Variants in C5 observed in about 807,000 individuals in gnomAD.
C5 encodes the protein C3 and PZP-like alpha-2-macroglobulin domain-containing protein 4.
A neutral mutation model predicts 218.8 loss-of-function variants in C5; 140 were observed. The observed-to-expected ratio is 0.64, with a 90% CI of 0.56 to 0.74. The LOEUF (loss-of-function observed/expected upper bound fraction) is 0.74. Among genes scored for constraint, C5 ranks in the 30% least tolerant of loss-of-function variants. The pLI is 0.00. For missense variants in C5, 1,700 were observed against 1,969.6 expected (o/e 0.86, Z 2.59); for synonymous variants, 614 against 682.3 (o/e 0.90, Z 1.56).
the C5 span, among the ~76,000 whole-genome samples, chr9:121,060,347 A>G: frequency 6.6e-6 from 1 of 152,336 alleles, no homozygotes; most frequent in South Asian, 2.1e-4. Context: ...TCTTACATTA[A>G]TAACTCTTCT....
Position 120,991,236 on chromosome 9 carries a change from C to T in C5, c.2896G>A (p.Asp966Asn), listed in dbSNP as rs2230212. The T allele has an allele frequency of 6.2e-7, 1 of 1,611,660 alleles. No homozygotes were observed. The highest frequency in any genetic ancestry group is 1.7e-5 in the Admixed American group (1 of 60,016). The change falls in exon 23 of 41, where the codon GAT (aspartate) becomes AAT (asparagine). Residue 966 changes from aspartate to asparagine, a missense_variant. Transcript: ENST00000223642. ...TTGATTTCTGTTTTGGGGACCAAAT[C>T]TAAGGGTATCCTGTATGGGAACTCC... ...RKEFPYRIPL[D>N]LVPKTEIKRI...
chr9:121,050,156 A>C (rs2047660789), intron 1 of C5, 26 bp downstream of exon 1: 2 of 1,568,788 alleles, frequency 1.3e-6, no homozygotes, highest in Non-Finnish European at 1.8e-6. Flanking sequence ...ATGCATTGAA[A>C]AATGAAGATA....
intron 2 of C5, among the ~76,000 whole-genome samples, chr9:121,043,552 G>A (rs902778213): frequency 1.1e-4 from 16 of 150,100 alleles, no homozygotes; most frequent in African/African-American, 3.4e-4. Context: ...TTTTTGAGAC[G>A]GAGTCTCACT....
At chr9:121,005,781 T>G (rs2047210841) in intron 20 of C5, 138 bp downstream of exon 20, 1 of 791,554 alleles carries the variant, frequency 1.3e-6, no homozygotes, top group African/African-American at 1.7e-5. Context: ...TATAGTACAA[T>G]GCTCATTTTA....
At chr9:120,978,108 G>C (rs535712441) in intron 28 of C5, among the ~76,000 whole-genome samples, 1 of 152,054 alleles carries the variant, frequency 6.6e-6, no homozygotes, top group Non-Finnish European at 1.5e-5. Context: ...CCTTAGTTCA[G>C]TCTTTCATTA....
At position 120,989,689 on chromosome 9, in the gene C5, C is replaced by G. The variant is rs150096192; in HGVS notation, c.3033G>C (p.Glu1011Asp). The G allele has an allele frequency of 6.8e-4, 1,096 of 1,614,002 alleles. 3 individuals carry two copies. The African/African-American group carries it at 0.011, about 17-fold the overall frequency. The change falls in exon 24 of 41, where the codon GAG (glutamate) becomes GAC (aspartate). Residue 1011 changes from glutamate to aspartate, a missense_variant. Coordinates refer to ENST00000223642, the MANE Select transcript of C5 (RefSeq NM_001735.3). ...THLPKGSAEA[E>D]LMSVVPVFYV... ...AGAATACTGGGACAACGCTCATCAG[C>G]TCCGCCTCTGCACTCCCTTTGGGGA...
chr9:121,004,815 A>G (rs2047203014), intron 20 of C5, among the ~76,000 whole-genome samples: 1 of 152,158 alleles, frequency 6.6e-6, no homozygotes. Context: ...ATTGATTGCT[A>G]TGGTATTTGG....
At chr9:121,024,361 A>AG (rs373390830) in intron 9 of C5, among the ~76,000 whole-genome samples, 1,387 of 4,250 alleles carry the variant, frequency 0.33, 251 homozygotes, top group African/African-American at 0.49. Context: ...GGGGAGCGGG[A>AG]GGGGGGAGGG....
upstream of C5, among the ~76,000 whole-genome samples, chr9:121,052,350 G>A (rs1184218339): frequency 6.6e-6 from 1 of 151,376 alleles, no homozygotes; most frequent in African/African-American, 2.4e-5. Context: ...CCAGCTACTT[G>A]GGAGGCTGAG....
chr9:120,999,587 C>T (rs1226895120), intron 20 of C5: 3 of 204,558 alleles, frequency 1.5e-5, no homozygotes, highest in African/African-American at 4.8e-5. Context: ...ACTGAGATTT[C>T]AGAGTCTGGA....
intron 30 of C5, among the ~76,000 whole-genome samples, chr9:120,972,466 C>G (rs1046852108): frequency 2.0e-5 from 3 of 152,124 alleles, no homozygotes; most frequent in Non-Finnish European, 4.4e-5. Context: ...CTCCTTTGCA[C>G]CCCTTTTCCA....
chr9:121,020,330 T>C (rs2047353874), intron 11 of C5, 151 bp from the exon 12 acceptor site: 1 of 675,858 alleles, frequency 1.5e-6, no homozygotes, highest in African/African-American at 1.8e-5. Flanking sequence ...ACTTCAGTGT[T>C]TATACAGCTG....
chr9:121,040,246 T>C (rs554319690), intron 3 of C5, among the ~76,000 whole-genome samples: 17 of 152,308 alleles, frequency 1.1e-4, no homozygotes, highest in Admixed American at 3.9e-4. Flanking sequence ...GGCAACAGCA[T>C]GTTACACAGG....
the C5 span, among the ~76,000 whole-genome samples, chr9:121,066,862 G>GAAAAA: frequency 1.5e-5 from 2 of 134,994 alleles, no homozygotes; most frequent in Admixed American, 7.4e-5. Flanking sequence ...CTCAAAAAAA[G>GAAAAA]AAAAAAAAAA....
intron 8 of C5, 113 bp downstream of exon 8, chr9:121,027,047 A>G (rs2047430051): frequency 1.4e-6 from 1 of 714,166 alleles, no homozygotes; most frequent in Admixed American, 2.1e-5. Context: ...GGAGGATTTT[A>G]AGTTTCAACC....
In C5 at chr9:121,023,389, C is replaced by T; in HGVS notation, c.1116+15G>A. 3 of 1,448,128 alleles carry T rather than the reference C, an allele frequency of 2.1e-6. No homozygotes were observed. Among genetic ancestry groups the T allele is most frequent in the Non-Finnish European group, 1.9e-6 (2 of 1,028,750 alleles). The allele number at this position is 1,448,128 out of a possible 1,614,324, so 89.7% of individuals were successfully genotyped here. On this transcript the variant is annotated intron_variant, in intron 10 of 40. Coordinates refer to ENST00000223642, the MANE Select transcript of C5 (RefSeq NM_001735.3). ...TGATCATATGTAGCAACGTCTACCC[C>T]CTCACCCAATCTACCTTGATGGGAT...
intron 23 of C5, among the ~76,000 whole-genome samples, 154 bp from the exon 24 acceptor site, chr9:120,989,934 C>T (rs979459762): frequency 2.0e-5 from 3 of 150,626 alleles, no homozygotes; most frequent in Admixed American, 6.6e-5. Flanking sequence ...AAAAAAGATC[C>T]GGTTAGGAAC....
the C5 span, among the ~76,000 whole-genome samples, chr9:121,065,221 C>G: frequency 6.6e-6 from 1 of 151,922 alleles, no homozygotes; most frequent in Admixed American, 6.6e-5. Context: ...TCAAAGAGGA[C>G]AAAAAGATTC....
the C5 span, among the ~76,000 whole-genome samples, chr9:121,073,591 A>C: frequency 7.3e-6 from 1 of 136,448 alleles, no homozygotes; most frequent in African/African-American, 2.8e-5. Context: ...ATCTCGGCTC[A>C]CTGCAACCTC....
Sources: gnomAD v4.1 joint callset for allele counts (sites outside exome capture counted in the v4.1 genomes callset) on GRCh38, gnomAD v4.1.1 for gene constraint, MANE v1.5 for transcripts, NCBI Gene and HGNC (gene_info 2026-07-23, HGNC 2026-07-21) for gene names.